The following BICC1 variants were observed in gnomAD, a reference collection of about 807,000 sequenced individuals.
The protein encoded by BICC1 is BicC family RNA binding protein 1, also known as protein bicaudal C homolog 1.
Under a neutral mutation model 111.0 loss-of-function variants are expected in BICC1, and 43 were observed. That is an observed-to-expected ratio of 0.39 (90% CI 0.30 to 0.50). The LOEUF (loss-of-function observed/expected upper bound fraction) is 0.50. Ranked by LOEUF, BICC1 falls within the 20% of genes least tolerant of loss-of-function variation. The pLI is 0.88. For missense variants in BICC1, 1,091 were observed against 1,203.2 expected (o/e 0.91, Z 1.38); for synonymous variants, 467 against 434.4 (o/e 1.07, Z -0.93).
chr10:58,531,057 G>A (rs1385384024), intron 1 of BICC1, among the ~76,000 whole-genome samples: 1 of 151,786 alleles, frequency 6.6e-6, no homozygotes, highest in Non-Finnish European at 1.5e-5. Flanking sequence ...CACAGCTAAT[G>A]ATGAGGAAAA....
chr10:58,803,168 G>C lies in BICC1; in HGVS notation c.2107G>C (p.Glu703Gln). Residue 703 changes from glutamate to glutamine, a missense_variant, in exon 15 of 21, where the codon GAG (glutamate) becomes CAG (glutamine). By Grantham distance (29) the Glu-to-Gln change is conservative. This residue lies in a region of BICC1 where 843 missense variants were observed against 900.8 expected (regional missense o/e 0.94). Coordinates refer to ENST00000373886, the MANE Select transcript of BICC1 (RefSeq NM_001080512.3). ...GGCTCCAGGGAGTGAGCGCGCTGCA[G>C]AGAGGGCAGCAGCTGCCCAGCAAAA... The part of the protein sequence containing the change: ...KKAPGSERAA[E>Q]RAAAAQQNSE... The C allele has an allele frequency of 6.2e-7, 1 of 1,611,884 alleles. No individual in the cohort carries two copies.
chr10:58,600,410 A>G (rs1213597169), intron 1 of BICC1, among the ~76,000 whole-genome samples: 1 of 152,104 alleles, frequency 6.6e-6, no homozygotes, highest in East Asian at 1.9e-4. Flanking sequence ...AGACAGAGCT[A>G]TGGGGAGAAG....
chr10:58,599,604 C>A (rs1237484328), intron 1 of BICC1, among the ~76,000 whole-genome samples: 1 of 152,072 alleles, frequency 6.6e-6, no homozygotes, highest in African/African-American at 2.4e-5. Context: ...ACCTATGTAA[C>A]AAAACTGCAC....
chr10:58,533,758 G>A (rs751756157), intron 1 of BICC1, among the ~76,000 whole-genome samples: 1 of 151,684 alleles, frequency 6.6e-6, no homozygotes, highest in Non-Finnish European at 1.5e-5. Context: ...AAAGCTCTCT[G>A]GTGAAATACC....
chr10:58,720,400 G>A (rs1337122919), intron 3 of BICC1, among the ~76,000 whole-genome samples: 1 of 152,222 alleles, frequency 6.6e-6, no homozygotes. Flanking sequence ...TGGATACTTA[G>A]AGTTTGCCTG....
At chr10:58,632,587 T>A (rs1318834316) in intron 2 of BICC1, among the ~76,000 whole-genome samples, 1 of 152,074 alleles carries the variant, frequency 6.6e-6, no homozygotes, top group East Asian at 1.9e-4. Flanking sequence ...TTTTGAGGAC[T>A]AGGTAAAAGG....
intron 1 of BICC1, among the ~76,000 whole-genome samples, chr10:58,525,174 A>G (rs1168169614): frequency 7.3e-6 from 1 of 136,510 alleles, no homozygotes; most frequent in Non-Finnish European, 1.6e-5. Flanking sequence ...GGGATCTAGA[A>G]CTAGAAATAC....
At chr10:58,754,393 G>A (rs1198978315) in intron 3 of BICC1, among the ~76,000 whole-genome samples, 1 of 152,200 alleles carries the variant, frequency 6.6e-6, no homozygotes, top group Admixed American at 6.5e-5. Context: ...AATTCTGTCA[G>A]CAAACTGGAT....
intron 1 of BICC1, among the ~76,000 whole-genome samples, chr10:58,564,304 A>G (rs1305102301): frequency 6.6e-6 from 1 of 152,188 alleles, no homozygotes; most frequent in Non-Finnish European, 1.5e-5. Flanking sequence ...TGGCTTTTTC[A>G]GTGAGGCTTG....
At chr10:58,796,270 C>G in intron 9 of BICC1, 70 bp from the exon 10 acceptor site, 2 of 1,328,932 alleles carry the variant, frequency 1.5e-6, no homozygotes, top group Non-Finnish European at 2.1e-6. Flanking sequence ...TTTTCCACCT[C>G]CCTCCCCTCC....
At chr10:58,666,278 G>A (rs1239659740) in intron 2 of BICC1, among the ~76,000 whole-genome samples, 1 of 152,206 alleles carries the variant, frequency 6.6e-6, no homozygotes, top group Non-Finnish European at 1.5e-5. Flanking sequence ...ACATTCAGCA[G>A]ACTGTGAGTG....
intron 18 of BICC1, 123 bp from the exon 19 acceptor site, chr10:58,817,439 A>G: frequency 1.9e-6 from 2 of 1,037,174 alleles, no homozygotes; most frequent in Non-Finnish European, 2.9e-6. Flanking sequence ...CTGTATTTCT[A>G]CAGCTACTGC....
Position 58,798,574 on chromosome 10 carries a change from A to C in BICC1, c.1528+14A>C. ...CAAGTGCCACAGGTCAGTATCATTT[A>C]AGTATATTCCAAGTTGTGTATTCTT... On this transcript the variant is annotated intron_variant, in intron 11 of 20. Transcript: ENST00000373886. 6.4e-7 allele frequency: 1 copy of C among 1,570,570 alleles called. No individual in the cohort carries two copies. Among genetic ancestry groups the C allele is most frequent in the Non-Finnish European group, 8.6e-7 (1 of 1,162,962 alleles).
chr10:58,657,335 A>G (rs1218639915), intron 2 of BICC1, among the ~76,000 whole-genome samples: 1 of 152,126 alleles, frequency 6.6e-6, no homozygotes, highest in Non-Finnish European at 1.5e-5. Flanking sequence ...CTGCATTATA[A>G]TAGGTGTGCT....
intron 2 of BICC1, among the ~76,000 whole-genome samples, chr10:58,647,662 C>T (rs1838310017): frequency 6.6e-6 from 1 of 152,106 alleles, no homozygotes; most frequent in Non-Finnish European, 1.5e-5. Flanking sequence ...TTTTCCAAAT[C>T]CCAGAACCCT....
At chr10:58,696,524 A>G (rs1259752547) in intron 2 of BICC1, among the ~76,000 whole-genome samples, 10 of 152,214 alleles carry the variant, frequency 6.6e-5, no homozygotes, top group Non-Finnish European at 4.4e-5. Context: ...CAGTAAATCT[A>G]ACAACAGAAA....
intron 1 of BICC1, among the ~76,000 whole-genome samples, chr10:58,611,408 T>C (rs1390441102): frequency 6.6e-6 from 1 of 152,090 alleles, no homozygotes; most frequent in Non-Finnish European, 1.5e-5. Flanking sequence ...TATATTTGTG[T>C]CTGTATATGT....
intron 3 of BICC1, among the ~76,000 whole-genome samples, chr10:58,737,962 G>T (rs1386352303): frequency 6.6e-6 from 1 of 152,080 alleles, no homozygotes; most frequent in Non-Finnish European, 1.5e-5. Flanking sequence ...AAATTGGTTT[G>T]AGTTCATTGT....
intron 1 of BICC1, among the ~76,000 whole-genome samples, chr10:58,544,463 C>T (rs1217028731): frequency 1.3e-5 from 2 of 152,046 alleles, no homozygotes; most frequent in African/African-American, 4.8e-5. Flanking sequence ...TAATCTTTAC[C>T]TCCCTTGGAA....
Sources: allele counts gnomAD v4.1 joint callset (sites outside exome capture counted in the v4.1 genomes callset), GRCh38; gene constraint gnomAD v4.1.1; regional missense constraint gnomAD v4.1.1; transcripts MANE v1.5; gene names NCBI Gene and HGNC (gene_info 2026-07-23, HGNC 2026-07-21).